EBF3: variants seen among roughly 807,000 people sequenced by gnomAD.
The protein encoded by EBF3 is EBF transcription factor 3, also known as transcription factor COE3.
In EBF3, 18 loss-of-function variants were observed where a neutral mutation model predicts 77.1. The observed-to-expected ratio is 0.23, with a 90% CI of 0.16 to 0.35. The LOEUF (loss-of-function observed/expected upper bound fraction) is 0.35, where lower values mean the gene tolerates loss of function less well. Among genes scored for constraint, EBF3 ranks in the 10% least tolerant of loss-of-function variants. The pLI is 1.00. For missense variants in EBF3, 558 were observed against 860.0 expected (o/e 0.65, Z 4.39); for synonymous variants, 350 against 343.5 (o/e 1.02, Z -0.21).
chr10:129,910,739 T>C (rs1209207687), intron 6 of EBF3, among the ~76,000 whole-genome samples: 3 of 152,044 alleles, frequency 2.0e-5, no homozygotes, highest in Admixed American at 1.3e-4. Flanking sequence ...GGCACAGACC[T>C]TCAGCACGCT....
At chr10:129,948,392 G>A (rs1184949) in intron 6 of EBF3, among the ~76,000 whole-genome samples, 2 of 152,102 alleles carry the variant, frequency 1.3e-5, no homozygotes, top group Admixed American at 6.6e-5. Context: ...GGGTGCCAGG[G>A]GTTCAGGAAA....
chr10:129,900,173 GA>G (rs1463205924), intron 6 of EBF3, among the ~76,000 whole-genome samples: 2 of 152,102 alleles, frequency 1.3e-5, no homozygotes, highest in East Asian at 3.9e-4. Context: ...TATTCACCTT[GA>G]AAGAGTCATC....
In EBF3 at chr10:129,863,421, A is replaced by AG. The variant is rs1350355377; in HGVS notation, c.1039+3719dup. ...CCCTTCCCACTCGGGGTTGACTAAT[A>AG]GGGTCTGGTTCAGAAAAATCTGGTG... On this transcript the variant is annotated intron_variant, in intron 10 of 16. Coordinates refer to ENST00000440978, the MANE Select transcript of EBF3 (RefSeq NM_001375380.1). The surrounding 1 kb of genome is among the most constrained non-coding windows in gnomAD (Gnocchi z 4.0). Among the ~76,000 whole-genome samples, 7 of 152,224 alleles carry AG rather than the reference A, an allele frequency of 4.6e-5. No homozygotes were observed. The highest frequency in any genetic ancestry group is 1.4e-4 in the African/African-American group (6 of 41,468).
intron 10 of EBF3, among the ~76,000 whole-genome samples, chr10:129,849,385 T>C (rs187193643): frequency 4.6e-5 from 7 of 152,334 alleles, no homozygotes; most frequent in African/African-American, 1.7e-4. Flanking sequence ...CAGAGGTTTT[T>C]CGGAGACTAA....
At chr10:129,840,177 C>CA in intron 15 of EBF3, 68 bp downstream of exon 15, 1 of 1,425,918 alleles carries the variant, frequency 7.0e-7, no homozygotes, top group Non-Finnish European at 9.5e-7. Flanking sequence ...GCCGAGCCCC[C>CA]ACCCCCACTC....
chr10:129,858,825 G>C (rs1184723778), intron 10 of EBF3, among the ~76,000 whole-genome samples: 1 of 152,160 alleles, frequency 6.6e-6, no homozygotes, highest in African/African-American at 2.4e-5. Flanking sequence ...GACACAGAAA[G>C]GGCTATCTCA....
rs1858300761 is a variant in EBF3 at position 129,947,272 on chromosome 10, T to G, written c.554+9986A>C. ...CCTAATGGGAAACAAATGCTGTGGG[T>G]GTGAATTCATACTTAACCATAAAAA... On this transcript the variant is annotated intron_variant, in intron 6 of 16. Transcript: ENST00000440978. The surrounding 1 kb of genome is among the most constrained non-coding windows in gnomAD (Gnocchi z 4.5). 6.6e-6 allele frequency among the ~76,000 whole-genome samples: 1 copy of G among 152,194 alleles called. No individual in the cohort carries two copies. The highest frequency in any genetic ancestry group is 1.5e-5 in the Non-Finnish European group (1 of 68,042).
intron 6 of EBF3, among the ~76,000 whole-genome samples, chr10:129,934,081 A>G (rs1031081922): frequency 6.6e-5 from 10 of 152,320 alleles, no homozygotes; most frequent in South Asian, 6.2e-4. Flanking sequence ...CTGCTTCTCC[A>G]AAATTCACAT....
At chr10:129,891,784 T>C (rs1246702219) in intron 6 of EBF3, among the ~76,000 whole-genome samples, 2 of 152,228 alleles carry the variant, frequency 1.3e-5, no homozygotes, top group African/African-American at 4.8e-5. Context: ...AGAATCCTTC[T>C]GGATAATTGG....
rs1026619417 is a variant in EBF3 at position 129,943,702 on chromosome 10, T to G, written c.554+13556A>C. 6.6e-6 allele frequency among the ~76,000 whole-genome samples: 1 copy of G among 152,190 alleles called. No individual in the cohort carries two copies. Among genetic ancestry groups the G allele is most frequent in the African/African-American group, 2.4e-5 (1 of 41,440 alleles). ...ATTTTTTTTTTACCTCTGCTATGAA[T>G]TAAAAGAATTGCTAGGAATTCTTTT... is the stretch of plus-strand genomic sequence containing the variant. On this transcript the variant is annotated intron_variant, in intron 6 of 16. Coordinates refer to ENST00000440978, the MANE Select transcript of EBF3 (RefSeq NM_001375380.1). This position sits in a 1 kb window ranked among gnomAD's most constrained non-coding sequence, Gnocchi z 8.8.
chr10:129,936,374 G>A (rs976873868), intron 6 of EBF3, among the ~76,000 whole-genome samples: 1 of 152,198 alleles, frequency 6.6e-6, no homozygotes, highest in Admixed American at 6.5e-5. Context: ...CTCTGGGGAT[G>A]ATGCCAAAGG....
intron 6 of EBF3, among the ~76,000 whole-genome samples, chr10:129,917,670 A>AC (rs1564887090): frequency 6.7e-6 from 1 of 149,908 alleles, no homozygotes; most frequent in African/African-American, 2.4e-5. Context: ...AAAAAAAAAA[A>AC]AAAAAAAAAC....
intron 8 of EBF3, among the ~76,000 whole-genome samples, chr10:129,871,640 G>A (rs557647006): frequency 9.6e-4 from 146 of 152,302 alleles, no homozygotes; most frequent in Middle Eastern, 3.4e-3. Flanking sequence ...GACTTAAAAG[G>A]AACTTCCTAA....
At chr10:129,886,765 G>A (rs544787143) in intron 6 of EBF3, among the ~76,000 whole-genome samples, 13 of 151,992 alleles carry the variant, frequency 8.6e-5, no homozygotes, top group African/African-American at 2.9e-4. Flanking sequence ...GGTCTGCAGG[G>A]GAGTTAGCTC....
chr10:129,876,842 A>G (rs1852802520), intron 7 of EBF3, among the ~76,000 whole-genome samples: 1 of 150,542 alleles, frequency 6.6e-6, no homozygotes, highest in Admixed American at 6.7e-5. Context: ...AAAAATATGA[A>G]TCTATCATAA....
chr10:129,889,946 CTTTTTTTTTTTTTTTTTTTT>C (rs10665456), intron 6 of EBF3, among the ~76,000 whole-genome samples: 1 of 82,880 alleles, frequency 1.2e-5, no homozygotes, highest in Admixed American at 1.7e-4. Flanking sequence ...ATTGAAGTGC[CTTTTTTTTTTTTTTTTTTTT>C]TTTTTTTTTT....
At chr10:129,878,430 A>T (rs1205381683) in intron 6 of EBF3, among the ~76,000 whole-genome samples, 1 of 152,100 alleles carries the variant, frequency 6.6e-6, no homozygotes, top group African/African-American at 2.4e-5. Flanking sequence ...GCACTTTGGG[A>T]GGCTGAGGTG....
chr10:129,893,154 A>G (rs1854138681), intron 6 of EBF3, among the ~76,000 whole-genome samples: 1 of 152,254 alleles, frequency 6.6e-6, no homozygotes, highest in African/African-American at 2.4e-5. Context: ...CATCAATTTC[A>G]GCTTCATAAG....
rs1364242392 is a variant in EBF3 at position 129,861,110 on chromosome 10, A to T, written c.1039+6031T>A. Among the ~76,000 whole-genome samples the T allele has an allele frequency of 6.6e-6, 1 of 152,090 alleles. No individual in the cohort carries two copies. Among genetic ancestry groups the T allele is most frequent in the African/African-American group, 2.4e-5 (1 of 41,428 alleles). ...CCGTGTTATCGAATCTCACCCCAGC[A>T]CCCACTTAGCATGCTGGCAGATTAA... is the stretch of plus-strand genomic sequence containing the variant. On this transcript the variant is annotated intron_variant, in intron 10 of 16. Transcript: ENST00000440978. This position sits in a 1 kb window ranked among gnomAD's most constrained non-coding sequence, Gnocchi z 4.3.
Sources: allele counts gnomAD v4.1 joint callset (sites outside exome capture counted in the v4.1 genomes callset), GRCh38; gene constraint gnomAD v4.1.1; non-coding constraint Gnocchi (gnomAD v3.1); transcripts MANE v1.5; gene names NCBI Gene and HGNC (gene_info 2026-07-23, HGNC 2026-07-21).